The following HELZ variants were observed in gnomAD, a reference collection of about 807,000 sequenced individuals.
HELZ encodes the protein helicase with zinc finger.
HELZ carries 23 observed loss-of-function variants against 218.2 expected under a neutral mutation model. The observed-to-expected ratio is 0.11, with a 90% CI of 0.08 to 0.15. The LOEUF (loss-of-function observed/expected upper bound fraction) is 0.15. Among genes scored for constraint, HELZ ranks in the 10% least tolerant of loss-of-function variants. The pLI is 1.00. For missense variants in HELZ, 1,813 were observed against 2,353.7 expected, an observed-to-expected ratio of 0.77 and a Z score of 4.75; for synonymous variants, 814 against 829.4, an observed-to-expected ratio of 0.98 and a Z score of 0.32.
At chr17:67,197,277 T>C (rs2040055691) in intron 7 of HELZ, among the ~76,000 whole-genome samples, 1 of 150,930 alleles carries the variant, frequency 6.6e-6, no homozygotes, top group Non-Finnish European at 1.5e-5. Flanking sequence ...ATGTGAGATG[T>C]ACCTTTCACC....
intron 32 of HELZ, among the ~76,000 whole-genome samples, chr17:67,084,579 C>T (rs1039679136): frequency 1.1e-4 from 17 of 150,906 alleles, no homozygotes; most frequent in African/African-American, 1.2e-4. Context: ...AGAAGAATGA[C>T]GTGAACCCGG....
chr17:67,160,995 G>T lies in HELZ; in HGVS notation c.1977C>A (p.Ile659=). Residue 659 remains isoleucine (I), a synonymous_variant, in exon 16 of 33, where the codon ATC becomes ATA. Coordinates refer to ENST00000358691, the MANE Select transcript of HELZ (RefSeq NM_014877.4). ...AVLAITTPLA[I]QLPPVLIIGP... is the part of the protein sequence containing the mutation. The stretch of plus-strand genomic sequence containing the variant: ...CGATGATAAGCACAGGCGGCAGCTG[G>T]ATTGCAAGTGGAGTGGTAATGGCCA... 1 of 1,613,904 alleles carries T rather than the reference G, an allele frequency of 6.2e-7. No individual in the cohort carries two copies. The highest frequency in any genetic ancestry group is 8.5e-7 in the Non-Finnish European group (1 of 1,179,864).
intron 17 of HELZ, among the ~76,000 whole-genome samples, chr17:67,155,458 GA>G (rs1380817878): frequency 6.6e-6 from 1 of 152,032 alleles, no homozygotes; most frequent in African/African-American, 2.4e-5. Context: ...TAAAGCAAAT[GA>G]AAAACAGTAA....
chr17:67,149,916 G>C lies in HELZ; in HGVS notation c.2426C>G (p.Ala809Gly), dbSNP rs771210532. ...AATCCGAGTGTTTTGAGTTGCTAATGCTAGAGGCATAATGGTTTCACACTC... is the reference window on the plus strand; with the variant it reads ...AATCCGAGTGTTTTGAGTTGCTAATCCTAGAGGCATAATGGTTTCACACTC... ...AMECETIMPL[A>G]LATQNTRIVL... is the part of the protein sequence containing the mutation. The change falls in exon 19 of 33, where the codon GCA becomes GGA. Residue 809 changes from alanine to glycine, a missense_variant. By Grantham distance (60) the Ala-to-Gly change is moderately conservative. This residue lies in a region of HELZ where 714 missense variants were observed against 1,029.2 expected (regional missense o/e 0.69). Coordinates refer to ENST00000358691, the MANE Select transcript of HELZ (RefSeq NM_014877.4). The C allele has an allele frequency of 3.7e-6, 6 of 1,611,484 alleles. No homozygotes were observed. The South Asian group carries it at 4.4e-5, about 12-fold the overall frequency.
At chr17:67,091,653 T>G (rs1450752066) in intron 31 of HELZ, among the ~76,000 whole-genome samples, 5 of 152,192 alleles carry the variant, frequency 3.3e-5, no homozygotes, top group Admixed American at 6.5e-5. Context: ...CTGGATATTA[T>G]GTACATCTTT....
chr17:67,108,964 T>C lies in HELZ; in HGVS notation c.4489+152A>G. On this transcript the variant is annotated intron_variant, in intron 29 of 32. Transcript: ENST00000358691. The surrounding 1 kb of genome is among the most constrained non-coding windows in gnomAD (Gnocchi z 4.1). ...TCCACTGGATACTATCATACAGCAT[T>C]TAGAACTAGTTTCTGATTATCACAC... 5.8e-6 allele frequency: 4 copies of C among 690,056 alleles called. No individual in the cohort carries two copies. The highest frequency in any genetic ancestry group is 3.6e-5 in the African/African-American group (2 of 55,692). The allele number at this position is 690,056 out of a possible 1,614,324, so 42.7% of individuals were successfully genotyped here. A position where few individuals can be genotyped will look rare whatever the true frequency, so the allele number is the denominator to read the frequency against.
At chr17:67,125,775 T>G (rs962565807) in intron 24 of HELZ, among the ~76,000 whole-genome samples, 2 of 152,274 alleles carry the variant, frequency 1.3e-5, no homozygotes, top group East Asian at 3.9e-4. Flanking sequence ...ACAGGGAGAT[T>G]ATCCTGGATT....
chr17:67,146,247 T>G (rs150632881), intron 20 of HELZ, among the ~76,000 whole-genome samples: 57 of 152,336 alleles, frequency 3.7e-4, no homozygotes, highest in African/African-American at 1.3e-3. Context: ...CACATAATGA[T>G]GATTTAGTCA....
In HELZ at chr17:67,203,306, C is replaced by G. The variant is rs145998789; in HGVS notation, c.372+13G>C. On this transcript the variant is annotated intron_variant, in intron 6 of 32. Transcript: ENST00000358691. ...TGTTTTCAGGCATACAAAATTAGAGCTTATCAACATACCAGGGACTCTCCT... is the reference window on the plus strand; with the variant it reads ...TGTTTTCAGGCATACAAAATTAGAGGTTATCAACATACCAGGGACTCTCCT... 2 of 1,612,772 alleles carry G rather than the reference C, an allele frequency of 1.2e-6. No homozygotes were observed. The highest frequency in any genetic ancestry group is 2.7e-5 in the African/African-American group (2 of 74,818).
intron 5 of HELZ, among the ~76,000 whole-genome samples, chr17:67,204,153 T>G (rs1298265964): frequency 6.6e-6 from 1 of 152,250 alleles, no homozygotes; most frequent in Non-Finnish European, 1.5e-5. Flanking sequence ...TTTAGCTTCC[T>G]TTGCAATAAT....
intron 15 of HELZ, among the ~76,000 whole-genome samples, chr17:67,163,220 GAT>G (rs2039040424): frequency 6.6e-6 from 1 of 152,132 alleles, no homozygotes; most frequent in African/African-American, 2.4e-5. Flanking sequence ...AGAAAAATGA[GAT>G]ATTACTTGAC....
At chr17:67,140,117 A>C (rs994880701) in intron 21 of HELZ, among the ~76,000 whole-genome samples, 1 of 151,796 alleles carries the variant, frequency 6.6e-6, no homozygotes, top group Non-Finnish European at 1.5e-5. Context: ...GCAGATCCCA[A>C]CCTCCCCTGA....
At chr17:67,219,988 T>C (rs2040702057) in intron 3 of HELZ, among the ~76,000 whole-genome samples, 1 of 152,224 alleles carries the variant, frequency 6.6e-6, no homozygotes, top group Non-Finnish European at 1.5e-5. Context: ...TCACTCTTGC[T>C]GACCATCTCT....
In HELZ at chr17:67,218,767, G is replaced by A. The variant is rs750919136; in HGVS notation, c.38C>T (p.Ala13Val). ...GTCCTGCCTCTTAAGTGATTCACAT[G>A]CTTGTTCACATGACTTTTCAGCTCT... ...DRRAEKSCEQ[A>V]CESLKRQDYE... is the part of the protein sequence containing the mutation. The change falls in exon 4 of 33, where the codon GCA (alanine) becomes GTA (valine). Residue 13 changes from alanine (A) to valine (V), a missense_variant. Around this residue, in one of 4 missense-constraint regions of HELZ, gnomAD observed 714 missense variants for 1,029.2 expected, o/e 0.69. Transcript: ENST00000358691. 1 of 1,614,214 alleles carries A rather than the reference G, an allele frequency of 6.2e-7. No homozygotes were observed. Among genetic ancestry groups the A allele is most frequent in the Admixed American group, 1.7e-5 (1 of 60,024 alleles).
chr17:67,219,813 C>T (rs1393924917), intron 3 of HELZ, among the ~76,000 whole-genome samples: 1 of 152,176 alleles, frequency 6.6e-6, no homozygotes, highest in Non-Finnish European at 1.5e-5. Context: ...GAAGAAATGG[C>T]AAACATTGCC....
In HELZ at chr17:67,074,668, T is replaced by C. The variant is rs2035973187; in HGVS notation, c.*3584A>G. 1 of 152,144 alleles carries C rather than the reference T, an allele frequency of 6.6e-6. No homozygotes were observed. The highest frequency in any genetic ancestry group is 1.5e-5 in the Non-Finnish European group (1 of 67,988). 9.4% of individuals were successfully genotyped at this position (152,144 alleles called of 1,614,324 possible). Reference sequence around the variant, plus strand: ...CCAAAGTTGGGAAATTCATTAGCTTTCTCAGCAGCTCCAATGCCTCCATAA... The same window carrying C: ...CCAAAGTTGGGAAATTCATTAGCTTCCTCAGCAGCTCCAATGCCTCCATAA... On this transcript the variant is annotated 3_prime_UTR_variant, in exon 33 of 33. Coordinates refer to ENST00000358691, the MANE Select transcript of HELZ (RefSeq NM_014877.4).
chr17:67,144,096 T>C (rs539054328), intron 21 of HELZ, among the ~76,000 whole-genome samples: 1 of 152,196 alleles, frequency 6.6e-6, no homozygotes, highest in Non-Finnish European at 1.5e-5. Flanking sequence ...GCTTGTTCTA[T>C]AACACAAAAT....
intron 3 of HELZ, among the ~76,000 whole-genome samples, chr17:67,232,638 A>G (rs1046033992): frequency 6.6e-6 from 1 of 151,978 alleles, no homozygotes; most frequent in Non-Finnish European, 1.5e-5. Flanking sequence ...AAACTTTTTG[A>G]CTCTTCTTAC....
In HELZ at chr17:67,166,395, A is replaced by G. The variant is rs2039144727; in HGVS notation, c.1895+83T>C. The G allele has an allele frequency of 5.8e-6, 7 of 1,205,350 alleles. No individual in the cohort carries two copies. The Admixed American group carries it at 1.0e-4, about 18-fold the overall frequency. 74.7% of individuals were successfully genotyped at this position (1,205,350 alleles called of 1,614,324 possible). A position where few individuals can be genotyped will look rare whatever the true frequency, so the allele number is the denominator to read the frequency against. On this transcript the variant is annotated intron_variant, in intron 15 of 32. Transcript: ENST00000358691. The stretch of plus-strand genomic sequence containing the variant: ...GAAAAGCAAAGGCAAACTTTCTTAT[A>G]AAAGTATGCTTGAGTTATTTGATAC...
Sources: allele counts gnomAD v4.1 joint callset (sites outside exome capture counted in the v4.1 genomes callset), GRCh38; gene constraint gnomAD v4.1.1; regional missense constraint gnomAD v4.1.1; non-coding constraint Gnocchi (gnomAD v3.1); transcripts MANE v1.5; gene names NCBI Gene and HGNC (gene_info 2026-07-23, HGNC 2026-07-21).